PMM2: variants seen among roughly 807,000 people sequenced by gnomAD.
The protein encoded by PMM2 is mannose-6-phosphate isomerase.
Under a neutral mutation model 33.2 loss-of-function variants are expected in PMM2, and 35 were observed. That is an observed-to-expected ratio of 1.06 (90% CI 0.81 to 1.40). PMM2 has a LOEUF of 1.40. Ranked by LOEUF, PMM2 falls within the 40% of genes most tolerant of loss-of-function variation. PMM2 has a pLI of 0.00. For missense variants in PMM2, 386 were observed against 306.0 expected (o/e 1.26, Z -1.95); for synonymous variants, 153 against 114.7 (o/e 1.33, Z -2.13).
intron 7 of PMM2, among the ~76,000 whole-genome samples, chr16:8,821,535 C>G (rs1237507568): frequency 6.6e-6 from 1 of 152,192 alleles, no homozygotes; most frequent in Non-Finnish European, 1.5e-5. Context: ...GCTGGCCTTC[C>G]AGGGAGCCCC....
rs2060782923 is a variant in PMM2, at chr16:8,827,834, ATTGTATAATATATAATATATATGT to A, written c.639+14730_639+14753del. Among the ~76,000 whole-genome samples the A allele has an allele frequency of 3.3e-5, 3 of 91,158 alleles. No homozygotes were observed. In the South Asian group the frequency reaches 1.1e-3, roughly 33 times the overall value. 59.8% of individuals were successfully genotyped at this position (91,158 alleles called of 152,430 possible). A position where few individuals can be genotyped will look rare whatever the true frequency, so the allele number is the denominator to read the frequency against. On this transcript the variant is annotated intron_variant, in intron 7 of 7. Transcript: ENST00000268261. ...TATTTATATAATATATATTATATAT[ATTGTATAATATATAATATATATGT>A]TATATATTATATATATGTTATATAA...
intron 1 of PMM2, among the ~76,000 whole-genome samples, chr16:8,798,697 C>G (rs1164558134): frequency 6.6e-6 from 1 of 152,128 alleles, no homozygotes; most frequent in African/African-American, 2.4e-5. Context: ...CTGCTACAGG[C>G]ACAGATAAGT....
intron 7 of PMM2, among the ~76,000 whole-genome samples, chr16:8,829,674 A>G (rs991670802): frequency 3.3e-5 from 5 of 152,214 alleles, no homozygotes; most frequent in African/African-American, 1.2e-4. Flanking sequence ...TCTCTGAGCC[A>G]GATGGAAGAG....
chr16:8,837,860 C>G, intron 7 of PMM2, among the ~76,000 whole-genome samples: 1 of 152,070 alleles, frequency 6.6e-6, no homozygotes, highest in Non-Finnish European at 1.5e-5. Context: ...GGGAAGGCTG[C>G]CTTCCCAGTC....
chr16:8,834,122 G>T (rs867673851), intron 7 of PMM2, among the ~76,000 whole-genome samples: 1 of 152,206 alleles, frequency 6.6e-6, no homozygotes, highest in South Asian at 2.1e-4. Context: ...GAGCTTACAT[G>T]GGCTGTACCT....
chr16:8,804,476 C>G (rs1057505267), intron 2 of PMM2, among the ~76,000 whole-genome samples: 3 of 152,066 alleles, frequency 2.0e-5, no homozygotes, highest in East Asian at 3.9e-4. Context: ...GCATCATGGA[C>G]GAGTATCTTC....
Position 8,813,876 on chromosome 16 carries a change from T to C in PMM2, c.639+770T>C, listed in dbSNP as rs2060692112. Among the ~76,000 whole-genome samples, 3 of 144,890 alleles carry C rather than the reference T, an allele frequency of 2.1e-5. No individual in the cohort carries two copies. In the South Asian group the frequency reaches 6.8e-4, roughly 33 times the overall value. ...CTTTCTCTTTTTTTTTTTTTTTTTT[T>C]TTTTTTCTGAGACAGAGTCTCGCTC... On this transcript the variant is annotated intron_variant, in intron 7 of 7. Coordinates refer to ENST00000268261, the MANE Select transcript of PMM2 (RefSeq NM_000303.3).
rs576008380 is a variant in PMM2 at position 8,838,304 on chromosome 16, CT to C, written c.640-9418del. On this transcript the variant is annotated intron_variant, in intron 7 of 7. Coordinates refer to ENST00000268261, the MANE Select transcript of PMM2 (RefSeq NM_000303.3). ...ATGTCATCAGCTAAGGCTATTTTTA[CT>C]TCTTTTGTGGATCTTCATTTACTTC... is the stretch of plus-strand genomic sequence containing the variant. Among the ~76,000 whole-genome samples, 11 of 152,198 alleles carry C rather than the reference CT, an allele frequency of 7.2e-5. No homozygotes were observed. The South Asian group carries it at 1.9e-3, about 26-fold the overall frequency.
chr16:8,833,368 A>G (rs1596500627), intron 7 of PMM2, among the ~76,000 whole-genome samples: 1 of 152,088 alleles, frequency 6.6e-6, no homozygotes, highest in Non-Finnish European at 1.5e-5. Context: ...AGTTAAGGCT[A>G]TTTTTACTTT....
intron 7 of PMM2, among the ~76,000 whole-genome samples, chr16:8,847,327 C>T (rs1260851397): frequency 6.6e-6 from 1 of 151,376 alleles, no homozygotes; most frequent in Non-Finnish European, 1.5e-5. Flanking sequence ...TCCCGGCCCT[C>T]TGCCCTCCTG....
chr16:8,803,180 T>G (rs1407966463), intron 2 of PMM2, among the ~76,000 whole-genome samples: 1 of 152,188 alleles, frequency 6.6e-6, no homozygotes, highest in Non-Finnish European at 1.5e-5. Flanking sequence ...TATGTTACAG[T>G]CCAAATCTGT....
intron 7 of PMM2, among the ~76,000 whole-genome samples, chr16:8,813,877 T>A (rs916358728): frequency 1.4e-5 from 2 of 145,034 alleles, no homozygotes; most frequent in Non-Finnish European, 3.0e-5. Context: ...TTTTTTTTTT[T>A]TTTTTCTGAG....
At chr16:8,839,437 T>C (rs914138439) in intron 7 of PMM2, among the ~76,000 whole-genome samples, 1 of 151,848 alleles carries the variant, frequency 6.6e-6, no homozygotes, top group Non-Finnish European at 1.5e-5. Context: ...ACTGATGGGG[T>C]AACTGCATAG....
At chr16:8,839,503 C>A (rs1384149120) in intron 7 of PMM2, among the ~76,000 whole-genome samples, 1 of 151,896 alleles carries the variant, frequency 6.6e-6, no homozygotes, top group South Asian at 2.1e-4. Flanking sequence ...CTACAAGCAA[C>A]CTTTCACTAT....
intron 7 of PMM2, among the ~76,000 whole-genome samples, chr16:8,835,104 C>T (rs1395935479): frequency 8.2e-5 from 12 of 147,152 alleles, no homozygotes; most frequent in African/African-American, 2.8e-4. Flanking sequence ...ATTAAAGCAG[C>T]GGCAGCCGCT....
rs3034279 is a variant in PMM2 at position 8,817,906 on chromosome 16, A to ATTT, written c.639+4813_639+4815dup. Among the ~76,000 whole-genome samples, 223 of 142,750 alleles carry ATTT rather than the reference A, an allele frequency of 1.6e-3. 2 individuals carry two copies. The highest frequency in any genetic ancestry group is 0.011 in the East Asian group (51 of 4,830). The allele number at this position is 142,750 out of a possible 152,430, so 93.6% of individuals were successfully genotyped here. A position where few individuals can be genotyped will look rare whatever the true frequency, so the allele number is the denominator to read the frequency against. On this transcript the variant is annotated intron_variant, in intron 7 of 7. Transcript: ENST00000268261. ...TTAGTGAATATTCTTTGCAAAGAAG[A>ATTT]TTTTTTTTTTTTTTTGAGACAGAGT...
In PMM2 at chr16:8,811,703, G is replaced by C. The variant is rs371399381; in HGVS notation, c.513G>C (p.Thr171=). The change falls in exon 6 of 8, where the codon ACG becomes ACC. Residue 171 remains threonine (T), a synonymous_variant. Transcript: ENST00000268261. ...LRKEFAGKGL[T]FSIGGQISFD... ...AAGAGTTTGCTGGAAAAGGCCTCACGTTTTCCATAGGTATTGTATATATTG... is the reference window on the plus strand; with the variant it reads ...AAGAGTTTGCTGGAAAAGGCCTCACCTTTTCCATAGGTATTGTATATATTG... The C allele has an allele frequency of 6.2e-7, 1 of 1,607,180 alleles. No individual in the cohort carries two copies. The highest frequency in any genetic ancestry group is 2.2e-5 in the East Asian group (1 of 44,842).
intron 7 of PMM2, among the ~76,000 whole-genome samples, chr16:8,826,600 ATCTT>A (rs1477911953): frequency 6.6e-6 from 1 of 152,152 alleles, no homozygotes; most frequent in African/African-American, 2.4e-5. Context: ...CTTTAAAACT[ATCTT>A]TATTTACCAA....
At chr16:8,845,568 G>T (rs1212008674) in intron 7 of PMM2, among the ~76,000 whole-genome samples, 2 of 151,902 alleles carry the variant, frequency 1.3e-5, no homozygotes, top group Non-Finnish European at 2.9e-5. Context: ...AGAGTTGGTT[G>T]TGCCTTTGGT....
Sources: allele counts gnomAD v4.1 joint callset (sites outside exome capture counted in the v4.1 genomes callset), GRCh38; gene constraint gnomAD v4.1.1; transcripts MANE v1.5; gene names NCBI Gene and HGNC (gene_info 2026-07-23, HGNC 2026-07-21).